Variants in CDAN1 observed in about 807,000 individuals in gnomAD.
CDAN1 encodes codanin-1.
CDAN1 carries 107 observed loss-of-function variants against 139.8 expected under a neutral mutation model. The observed-to-expected ratio is 0.77, with a 90% CI of 0.65 to 0.90. CDAN1 has a LOEUF of 0.90. Ranked by LOEUF, CDAN1 falls within the 40% of genes least tolerant of loss-of-function variation. The pLI is 0.00. For synonymous variants in CDAN1, 776 were observed against 660.6 expected (o/e 1.17, Z -2.68); for missense variants, 1,667 against 1,575.7 (o/e 1.06, Z -0.98).
Position 42,727,629 on chromosome 15 carries a change from CGGAGATGAGGT to C in CDAN1, c.3077_3087del (p.His1026ArgfsTer16). The C allele has an allele frequency of 6.4e-7, 1 of 1,572,418 alleles. No homozygotes were observed. Among genetic ancestry groups the C allele is most frequent in the Non-Finnish European group, 8.7e-7 (1 of 1,155,522 alleles). On this transcript the variant is annotated frameshift_variant, in exon 23 of 28. Coordinates refer to ENST00000356231, the MANE Select transcript of CDAN1 (RefSeq NM_138477.4). LOFTEE classifies it high-confidence loss of function. ...GTAGGGTAGCCGTGTACTTTTATCT[CGGAGATGAGGT>C]GGGAGGGGAGGGGAGCATGGTGCTC...
At chr15:42,728,521 A>C (rs2061562544) in intron 20 of CDAN1, 131 bp downstream of exon 20, 5 of 1,347,330 alleles carry the variant, frequency 3.7e-6, no homozygotes, top group Non-Finnish European at 5.3e-6. Context: ...GGGCTTATAG[A>C]GAATGGGCGC....
intron 13 of CDAN1, 47 bp from the exon 14 acceptor site, chr15:42,730,811 T>G (rs781296636): frequency 6.2e-7 from 1 of 1,612,838 alleles, no homozygotes; most frequent in Admixed American, 1.7e-5. Flanking sequence ...TAGGAAGGGC[T>G]GGGAGATGCC....
chr15:42,729,662 C>A, intron 16 of CDAN1, 40 bp from the exon 17 acceptor site: 1 of 1,610,758 alleles, frequency 6.2e-7, no homozygotes, highest in Non-Finnish European at 8.5e-7. Flanking sequence ...TGCCCCTCCC[C>A]CAGCGCACCC....
Position 42,735,426 on chromosome 15 carries a change from G to A in CDAN1, c.944-52C>T, listed in dbSNP as rs1026499503. On this transcript the variant is annotated intron_variant, in intron 4 of 27. Coordinates refer to ENST00000356231, the MANE Select transcript of CDAN1 (RefSeq NM_138477.4). Reference sequence around the variant, plus strand: ...TGGTATGGGCACCATTTGGAGCCAAGGCTCAGTTCCAAGTGCCTTACCAAT... The same window carrying A: ...TGGTATGGGCACCATTTGGAGCCAAAGCTCAGTTCCAAGTGCCTTACCAAT... The A allele has an allele frequency of 2.5e-6, 4 of 1,595,314 alleles. No individual in the cohort carries two copies. The African/African-American group carries it at 5.4e-5, about 21-fold the overall frequency.
chr15:42,726,748 G>A (rs527442474), intron 23 of CDAN1: 5 of 390,666 alleles, frequency 1.3e-5, no homozygotes, highest in African/African-American at 2.0e-5. Context: ...TAAGGAAACC[G>A]GCCTATCAGA....
chr15:42,730,475 TCA>T (rs1278395214), intron 14 of CDAN1, 121 bp downstream of exon 14: 13 of 1,187,068 alleles, frequency 1.1e-5, no homozygotes, highest in Non-Finnish European at 1.6e-5. Flanking sequence ...CTCCCAGGGC[TCA>T]GTTATGGCCA....
Position 42,736,387 on chromosome 15 carries a change from G to T in CDAN1, c.484C>A (p.Pro162Thr). The T allele has an allele frequency of 6.2e-7, 1 of 1,612,914 alleles. No individual in the cohort carries two copies. The highest frequency in any genetic ancestry group is 8.5e-7 in the Non-Finnish European group (1 of 1,179,736). The change falls in exon 2 of 28, where the codon CCC becomes ACC. Residue 162 changes from proline to threonine, a missense_variant. Coordinates refer to ENST00000356231, the MANE Select transcript of CDAN1 (RefSeq NM_138477.4). ...RLRGSGSPSRPSLTLSDPPNL... is the reference protein window; with the variant it reads ...RLRGSGSPSRTSLTLSDPPNL... Reference sequence around the variant, plus strand: ...GGCGGATCAGACAGCGTGAGGCTGGGGCGGCTGGGGCTGCCAGAGCCCCTA... The same window carrying T: ...GGCGGATCAGACAGCGTGAGGCTGGTGCGGCTGGGGCTGCCAGAGCCCCTA...
chr15:42,732,448 G>A, intron 9 of CDAN1, 40 bp from the exon 10 acceptor site: 1 of 1,574,098 alleles, frequency 6.4e-7, no homozygotes, highest in Non-Finnish European at 8.7e-7. Context: ...GTGGAAAGGA[G>A]GGAGAGGGAG....
rs768939152 is a variant in CDAN1 at position 42,736,799 on chromosome 15, T to C, written c.91-19A>G. Reference sequence around the variant, plus strand: ...CGTTATCCTAGGGCAGAAGCACAGGTGGAGGGGCGAGAGGGTCAGCCGCCG... The same window carrying C: ...CGTTATCCTAGGGCAGAAGCACAGGCGGAGGGGCGAGAGGGTCAGCCGCCG... On this transcript the variant is annotated intron_variant, in intron 1 of 27. Transcript: ENST00000356231. 1.3e-6 allele frequency: 2 copies of C among 1,510,546 alleles called. No individual in the cohort carries two copies. Among genetic ancestry groups the C allele is most frequent in the Non-Finnish European group, 1.8e-6 (2 of 1,136,422 alleles). The allele number at this position is 1,510,546 out of a possible 1,614,324, so 93.6% of individuals were successfully genotyped here.
intron 20 of CDAN1, 63 bp from the exon 21 acceptor site, chr15:42,728,330 G>T: frequency 6.5e-7 from 1 of 1,544,886 alleles, no homozygotes. Flanking sequence ...AGAAGTAAAT[G>T]CCCCGAGTGC....
Position 42,725,633 on chromosome 15 carries a change from C to G in CDAN1, c.3306G>C (p.Gln1102His). 5.6e-6 allele frequency: 9 copies of G among 1,614,136 alleles called. No individual in the cohort carries two copies. Among genetic ancestry groups the G allele is most frequent in the Non-Finnish European group, 7.6e-6 (9 of 1,180,034 alleles). Residue 1102 changes from glutamine to histidine, a missense_variant, in exon 26 of 28, where the codon CAG becomes CAC. Coordinates refer to ENST00000356231, the MANE Select transcript of CDAN1 (RefSeq NM_138477.4). Reference sequence around the variant, plus strand: ...GAGCCTGCCCTCTCTCCAGCCTGTACTGTGCCGGGGGCCCTAGGATAGGAA... The same window carrying G: ...GAGCCTGCCCTCTCTCCAGCCTGTAGTGTGCCGGGGGCCCTAGGATAGGAA... Reference protein sequence around the residue: ...DQIPILGPPAQYRLERGQARR... With the variant: ...DQIPILGPPAHYRLERGQARR...
intron 18 of CDAN1, 34 bp downstream of exon 18, chr15:42,729,195 A>AT (rs2061575163): frequency 1.7e-6 from 2 of 1,198,874 alleles, no homozygotes; most frequent in African/African-American, 4.1e-5. Flanking sequence ...ACCCCCCCTC[A>AT]TTTTCCCCAC....
chr15:42,736,682 G>C lies in CDAN1; in HGVS notation c.189C>G (p.Arg63=). ...LLNFLREQSS[R]VLPQGPPTPA... ...GGGTCGGGGGCCCCTGCGGGAGGAC[G>C]CGGCTGCTCTGCTCCCTCAGGAAGT... The change falls in exon 2 of 28, where the codon CGC becomes CGG. Residue 63 remains arginine (R), a synonymous_variant. Coordinates refer to ENST00000356231, the MANE Select transcript of CDAN1 (RefSeq NM_138477.4). 1 of 1,547,678 alleles carries C rather than the reference G, an allele frequency of 6.5e-7. No individual in the cohort carries two copies. The highest frequency in any genetic ancestry group is 8.7e-7 in the Non-Finnish European group (1 of 1,149,346).
At chr15:42,727,907 C>A (rs763044755) in intron 22 of CDAN1, 48 bp downstream of exon 22, 4 of 1,604,532 alleles carry the variant, frequency 2.5e-6, no homozygotes, top group Admixed American at 3.3e-5. Context: ...CTCTGCCAGT[C>A]CACTTTTTAA....
chr15:42,732,730 G>A (rs1316258308), intron 9 of CDAN1, among the ~76,000 whole-genome samples: 2 of 152,188 alleles, frequency 1.3e-5, no homozygotes, highest in Non-Finnish European at 2.9e-5. Context: ...CTGAGCCCAG[G>A]CATCTACCTG....
chr15:42,732,253 T>C (rs2061623673), intron 10 of CDAN1, 80 bp downstream of exon 10: 3 of 1,329,048 alleles, frequency 2.3e-6, no homozygotes, highest in Non-Finnish European at 3.3e-6. Flanking sequence ...CTGTCTGCCC[T>C]ATCCCAAAGT....
At chr15:42,733,890 G>GA (rs1246698597) in intron 8 of CDAN1, 48 bp downstream of exon 8, 1 of 1,394,988 alleles carries the variant, frequency 7.2e-7, no homozygotes, top group African/African-American at 1.4e-5. Context: ...GCCTATTCCA[G>GA]AAAAATGTCA....
At position 42,724,376 on chromosome 15, in the gene CDAN1, T is replaced by G. The variant is rs1465458294; in HGVS notation, c.*115A>C. 7.9e-6 allele frequency: 11 copies of G among 1,398,444 alleles called. No homozygotes were observed. The East Asian group carries it at 1.0e-4, about 13-fold the overall frequency. 86.6% of individuals were successfully genotyped at this position (1,398,444 alleles called of 1,614,324 possible). On this transcript the variant is annotated 3_prime_UTR_variant, in exon 28 of 28. Coordinates refer to ENST00000356231, the MANE Select transcript of CDAN1 (RefSeq NM_138477.4). ...ACACCCTTAGAGCAGGAAGTCTGAC[T>G]GTAGACCCAGCTACACCCCAACCAG...
chr15:42,736,453 C>A lies in CDAN1; in HGVS notation c.418G>T (p.Val140Phe), dbSNP rs2061689468. The A allele has an allele frequency of 1.9e-6, 3 of 1,561,304 alleles. No homozygotes were observed. Among genetic ancestry groups the A allele is most frequent in the South Asian group, 2.3e-5 (2 of 86,072 alleles). ...ERGGRGLEEG[V>F]SGESLPGAGG... ...GCTCCGGGCAGGCTCTCCCCGCTGA[C>A]CCCCTCCTCCAGGCCGCGGCCTCCA... The change falls in exon 2 of 28, where the codon GTC becomes TTC. Residue 140 changes from valine to phenylalanine, a missense_variant. By Grantham distance (50) the Val-to-Phe change is conservative. Coordinates refer to ENST00000356231, the MANE Select transcript of CDAN1 (RefSeq NM_138477.4).
Sources: gnomAD v4.1 joint callset for allele counts (sites outside exome capture counted in the v4.1 genomes callset) on GRCh38, gnomAD v4.1.1 for gene constraint, MANE v1.5 for transcripts, NCBI Gene and HGNC (gene_info 2026-07-23, HGNC 2026-07-21) for gene names.